Variants in HIRA observed in about 807,000 individuals in gnomAD.
HIRA encodes histone cell cycle regulator.
A neutral mutation model predicts 126.6 loss-of-function variants in HIRA; 13 were observed. The ratio of observed to expected loss-of-function variants is 0.10; its 90% confidence interval spans 0.07 to 0.16. HIRA has a LOEUF of 0.16. Ranked by LOEUF, HIRA falls within the 10% of genes least tolerant of loss-of-function variation. HIRA has a pLI of 1.00. For missense variants in HIRA, 834 were observed against 1,314.4 expected (o/e 0.63, Z 5.65); for synonymous variants, 511 against 520.0 (o/e 0.98, Z 0.24).
At position 19,356,932 on chromosome 22, in the gene HIRA, G is replaced by C. The variant is rs891938404; in HGVS notation, c.2354C>G (p.Ser785Cys). 9 of 1,613,864 alleles carry C rather than the reference G, an allele frequency of 5.6e-6. No homozygotes were observed. The African/African-American group carries it at 9.3e-5, about 17-fold the overall frequency. ...SPISTLHCTG[S>C]YVMALTAAAT... ...TGCAGCGGTGAGCGCCATGACGTAG[G>C]AGCCTGTGCAATGCAAAGTAGAGAT... The change falls in exon 19 of 25, where the codon TCC becomes TGC. Residue 785 changes from serine (S) to cysteine (C), a missense_variant. By Grantham distance (112) the Ser-to-Cys change is moderately radical (BLOSUM62 -1). This residue lies in a region of HIRA where 468 missense variants were observed against 574.2 expected (regional missense o/e 0.82). Coordinates refer to ENST00000263208, the MANE Select transcript of HIRA (RefSeq NM_003325.4).
intron 24 of HIRA, among the ~76,000 whole-genome samples, chr22:19,334,308 G>A (rs984379276): frequency 6.7e-6 from 1 of 150,374 alleles, no homozygotes; most frequent in Non-Finnish European, 1.5e-5. Flanking sequence ...TCCTGATTTT[G>A]TTTAGTTGTC....
At chr22:19,410,633 C>T (rs2089344819) in intron 2 of HIRA, 83 bp downstream of exon 2, 14 of 941,248 alleles carry the variant, frequency 1.5e-5, no homozygotes, top group Non-Finnish European at 2.4e-5. Flanking sequence ...AGCAAGTATT[C>T]CCTCTACAGC....
intron 13 of HIRA, among the ~76,000 whole-genome samples, chr22:19,383,147 G>C (rs2089091943): frequency 6.6e-6 from 1 of 151,488 alleles, no homozygotes; most frequent in Non-Finnish European, 1.5e-5. Flanking sequence ...TAACGAGTGG[G>C]GAAAAAAAAG....
rs2088757589 is a variant in HIRA, at chr22:19,351,567, T to C, written c.2849-121A>G. 1.3e-6 allele frequency: 1 copy of C among 777,258 alleles called. No homozygotes were observed. The highest frequency in any genetic ancestry group is 2.1e-6 in the Non-Finnish European group (1 of 483,688). The allele number at this position is 777,258 out of a possible 1,614,324, so 48.1% of individuals were successfully genotyped here. ...TGTCTATCAAATCAGAATAAACACA[T>C]GCGTATTTTATTGCCTACTATGGGC... On this transcript the variant is annotated intron_variant, in intron 23 of 24. Coordinates refer to ENST00000263208, the MANE Select transcript of HIRA (RefSeq NM_003325.4). The surrounding 1 kb of genome is among the most constrained non-coding windows in gnomAD (Gnocchi z 4.8).
At chr22:19,423,522 CACAT>C (rs66964852) in intron 1 of HIRA, among the ~76,000 whole-genome samples, 21,837 of 90,302 alleles carry the variant, frequency 0.24, 1,841 homozygotes, top group Middle Eastern at 0.39. Flanking sequence ...CACACACACA[CACAT>C]ATTTTCAGCT....
At chr22:19,333,170 A>G (rs1266115901) in intron 24 of HIRA, among the ~76,000 whole-genome samples, 2 of 152,202 alleles carry the variant, frequency 1.3e-5, no homozygotes, top group African/African-American at 4.8e-5. Context: ...GTTCTCCCAA[A>G]GTGCTGGGAT....
intron 24 of HIRA, among the ~76,000 whole-genome samples, chr22:19,343,136 G>C (rs1423935211): frequency 1.3e-5 from 2 of 151,992 alleles, no homozygotes; most frequent in Admixed American, 1.3e-4. Context: ...CTACACATTG[G>C]GTACAGTGTA....
chr22:19,422,211 T>TAG (rs1569314801), intron 1 of HIRA, among the ~76,000 whole-genome samples: 1 of 91,662 alleles, frequency 1.1e-5, no homozygotes, highest in East Asian at 3.0e-4. Flanking sequence ...TATATATATA[T>TAG]ACATATATAT....
intron 13 of HIRA, among the ~76,000 whole-genome samples, chr22:19,381,615 A>C (rs2089074090): frequency 1.3e-5 from 2 of 152,216 alleles, no homozygotes; most frequent in South Asian, 4.1e-4. Context: ...TTACTTTCCC[A>C]AAACAAACCT....
chr22:19,377,760 T>C, intron 14 of HIRA, 109 bp downstream of exon 14: 1 of 1,006,254 alleles, frequency 9.9e-7, no homozygotes, highest in Non-Finnish European at 1.4e-6. Context: ...CTTTCTTTTT[T>C]GATTGAAGGG....
intron 1 of HIRA, among the ~76,000 whole-genome samples, chr22:19,420,003 CAT>C (rs1273465514): frequency 6.6e-6 from 1 of 152,064 alleles, no homozygotes; most frequent in Non-Finnish European, 1.5e-5. Context: ...AGATTGAAAA[CAT>C]AGCACAGGAA....
Position 19,345,053 on chromosome 22 carries a change from T to G in HIRA, c.2937+6305A>C, listed in dbSNP as rs182390675. On this transcript the variant is annotated intron_variant, in intron 24 of 24. Coordinates refer to ENST00000263208, the MANE Select transcript of HIRA (RefSeq NM_003325.4). The stretch of plus-strand genomic sequence containing the variant: ...ACTTAATGGTAAAAGACTAAAAGCT[T>G]TTCCTTTAATATCAGGAACAAGAGA... 1.5e-3 allele frequency among the ~76,000 whole-genome samples: 227 copies of G among 152,324 alleles called. 2 individuals are homozygous for G. The highest frequency in any genetic ancestry group is 5.3e-3 in the African/African-American group (220 of 41,558).
At chr22:19,400,753 T>G (rs1049941394) in intron 5 of HIRA, among the ~76,000 whole-genome samples, 2 of 152,160 alleles carry the variant, frequency 1.3e-5, no homozygotes, top group African/African-American at 4.8e-5. Flanking sequence ...GGATGATTCT[T>G]CTAACACTCC....
chr22:19,378,939 T>C (rs950816499), intron 13 of HIRA, among the ~76,000 whole-genome samples: 4 of 152,240 alleles, frequency 2.6e-5, no homozygotes, highest in African/African-American at 7.2e-5. Flanking sequence ...AGGTGCTTAG[T>C]AACACTTTTA....
chr22:19,394,599 T>C, intron 7 of HIRA, 90 bp from the exon 8 acceptor site: 3 of 1,324,210 alleles, frequency 2.3e-6, no homozygotes, highest in South Asian at 1.3e-5. Flanking sequence ...CTTCAATTTA[T>C]AAATGTGTGA....
intron 1 of HIRA, among the ~76,000 whole-genome samples, chr22:19,423,627 G>A (rs551404309): frequency 1.3e-5 from 2 of 152,184 alleles, no homozygotes; most frequent in African/African-American, 4.8e-5. Flanking sequence ...TCCAACGTAG[G>A]TCTATCCCTG....
intron 24 of HIRA, among the ~76,000 whole-genome samples, chr22:19,342,137 C>G (rs1178312017): frequency 2.0e-5 from 3 of 151,948 alleles, no homozygotes; most frequent in Non-Finnish European, 2.9e-5. Context: ...AAAAAGTGGA[C>G]AAAGAACATG....
intron 12 of HIRA, among the ~76,000 whole-genome samples, chr22:19,384,232 G>A (rs1451262049): frequency 6.8e-6 from 1 of 148,068 alleles, no homozygotes; most frequent in Non-Finnish European, 1.5e-5. Flanking sequence ...GCTGAGGCAG[G>A]AGAATCGCCT....
At chr22:19,390,530 G>T (rs2089168885) in intron 9 of HIRA, among the ~76,000 whole-genome samples, 1 of 137,056 alleles carries the variant, frequency 7.3e-6, no homozygotes, top group Non-Finnish European at 1.5e-5. Flanking sequence ...GGCAGAGGTT[G>T]CAGTGACTCA....
Sources: allele counts gnomAD v4.1 joint callset (sites outside exome capture counted in the v4.1 genomes callset), GRCh38; gene constraint gnomAD v4.1.1; regional missense constraint gnomAD v4.1.1; non-coding constraint Gnocchi (gnomAD v3.1); transcripts MANE v1.5; gene names NCBI Gene and HGNC (gene_info 2026-07-23, HGNC 2026-07-21).